Variants in C18orf54 observed in about 807,000 individuals in gnomAD.
C18orf54 encodes chromosome 18 open reading frame 54.
Under a neutral mutation model 49.3 loss-of-function variants are expected in C18orf54, and 49 were observed. The observed-to-expected ratio is 0.99, with a 90% CI of 0.79 to 1.26. The LOEUF (loss-of-function observed/expected upper bound fraction) is 1.26. Among genes scored for constraint, C18orf54 ranks in the 50% most tolerant of loss-of-function variants. C18orf54 has a pLI of 0.00. For missense variants in C18orf54, 687 were observed against 620.6 expected, an observed-to-expected ratio of 1.11 and a Z score of -1.14; for synonymous variants, 211 against 216.6, an observed-to-expected ratio of 0.97 and a Z score of 0.23.
In C18orf54 at chr18:54,380,214, C is replaced by A. The variant is rs1312020338; in HGVS notation, c.*1968C>A. 2 of 151,878 alleles carry A rather than the reference C, an allele frequency of 1.3e-5. No individual in the cohort carries two copies. Among genetic ancestry groups the A allele is most frequent in the African/African-American group, 4.8e-5 (2 of 41,408 alleles). The allele number at this position is 151,878 out of a possible 1,614,324, so 9.4% of individuals were successfully genotyped here. On this transcript the variant is annotated 3_prime_UTR_variant, in exon 9 of 9. Coordinates refer to ENST00000620105, the MANE Select transcript of C18orf54 (RefSeq NM_001288980.2). ...AGATTTATTTATAATTTTAATATCT[C>A]AGGGTTCTTTTTAGGTTTCCAGGGG...
chr18:54,375,901 TTACA>T (rs2089562196), intron 8 of C18orf54, among the ~76,000 whole-genome samples: 1 of 137,562 alleles, frequency 7.3e-6, no homozygotes, highest in African/African-American at 2.8e-5. Flanking sequence ...AAGCTTAGAC[TTACA>T]AAAGTTATTT....
intron 7 of C18orf54, among the ~76,000 whole-genome samples, chr18:54,372,914 T>C (rs544076863): frequency 2.0e-5 from 3 of 151,952 alleles, no homozygotes; most frequent in Admixed American, 1.3e-4. Flanking sequence ...AATTAATCTA[T>C]GTGGCCCATC....
rs955725076 is a variant in C18orf54, at chr18:54,361,681, A to G, written c.322A>G (p.Ile108Val). ...TGATCACAAAAAGCACTCAAACTTCATATCCTGTAGAAGACACACCGTTAA... is the reference window on the plus strand; with the variant it reads ...TGATCACAAAAAGCACTCAAACTTCGTATCCTGTAGAAGACACACCGTTAA... ...NLDHKKHSNF[I>V]SCRRHTVNDI... The change falls in exon 4 of 9, where the codon ATA (isoleucine) becomes GTA (valine). Residue 108 changes from isoleucine (I) to valine (V), a missense_variant. Physicochemically the swap from Ile to Val is conservative, Grantham distance 29. Coordinates refer to ENST00000620105, the MANE Select transcript of C18orf54 (RefSeq NM_001288980.2). 3 of 1,604,638 alleles carry G rather than the reference A, an allele frequency of 1.9e-6. No homozygotes were observed. The highest frequency in any genetic ancestry group is 1.7e-5 in the Admixed American group (1 of 57,836).
At chr18:54,377,558 G>T (rs2089597066) in intron 8 of C18orf54, among the ~76,000 whole-genome samples, 1 of 152,104 alleles carries the variant, frequency 6.6e-6, no homozygotes, top group Admixed American at 6.5e-5. Context: ...AGGAATGATT[G>T]AGTTTTCTCC....
Position 54,362,200 on chromosome 18 carries a change from C to T in C18orf54, c.841C>T (p.Gln281Ter). ...TGATGCAAATAGTCAAAGGGTTTAT[C>T]AGATATTTAAAGATGATCAGTGTTC... ...LPDANSQRVY[Q>*]IFKDDQCSPR... is the part of the protein sequence containing the mutation. The change falls in exon 4 of 9, where the codon CAG (glutamine) becomes TAG (stop). Residue 281 changes from glutamine (Q) to a stop codon, truncating the protein, a stop_gained. Coordinates refer to ENST00000620105, the MANE Select transcript of C18orf54 (RefSeq NM_001288980.2). LOFTEE classifies it high-confidence loss of function. 3 of 1,536,220 alleles carry T rather than the reference C, an allele frequency of 2.0e-6. No individual in the cohort carries two copies. Among genetic ancestry groups the T allele is most frequent in the Non-Finnish European group, 2.6e-6 (3 of 1,146,880 alleles).
At chr18:54,371,705 T>A (rs4939760) in intron 6 of C18orf54, among the ~76,000 whole-genome samples, 113,134 of 152,004 alleles carry the variant, frequency 0.74, 42,525 homozygotes, top group African/African-American at 0.86. Flanking sequence ...AACAACTTTC[T>A]ATAGAATTGA....
In C18orf54 at chr18:54,362,429, G is replaced by A. The variant is rs2089291264; in HGVS notation, c.1070G>A (p.Ser357Asn). 3 of 1,491,272 alleles carry A rather than the reference G, an allele frequency of 2.0e-6. No individual in the cohort carries two copies. In the Admixed American group the frequency reaches 7.2e-5, roughly 36 times the overall value. 92.4% of individuals were successfully genotyped at this position (1,491,272 alleles called of 1,614,324 possible). Residue 357 changes from serine (S) to asparagine (N), a missense_variant and splice_region_variant, in exon 4 of 9, where the codon AGT becomes AAT. Physicochemically the swap from Ser to Asn is conservative, Grantham distance 46. Coordinates refer to ENST00000620105, the MANE Select transcript of C18orf54 (RefSeq NM_001288980.2). ...LLPGQSTKPFSGDKIELLILK... is the reference protein window; with the variant it reads ...LLPGQSTKPFNGDKIELLILK... ...CCAGGACAATCCACAAAGCCATTCA[G>A]TGGTAATACTTTGTTTATTGCTTAT... is the stretch of plus-strand genomic sequence containing the variant.
intron 3 of C18orf54, among the ~76,000 whole-genome samples, chr18:54,361,415 A>C (rs2089266434): frequency 6.6e-6 from 1 of 152,198 alleles, no homozygotes; most frequent in South Asian, 2.1e-4. Context: ...GAACACAGGA[A>C]AATTCAGGAG....
rs2089643837 is a variant in C18orf54, at chr18:54,380,257, G to A, written c.*2011G>A. Reference sequence around the variant, plus strand: ...TCCAGGGGAAAAGAGCAGGATAACAGTGTGGAGACTGCTAAGTTGAGAATT... The same window carrying A: ...TCCAGGGGAAAAGAGCAGGATAACAATGTGGAGACTGCTAAGTTGAGAATT... On this transcript the variant is annotated 3_prime_UTR_variant, in exon 9 of 9. Coordinates refer to ENST00000620105, the MANE Select transcript of C18orf54 (RefSeq NM_001288980.2). 1 of 152,020 alleles carries A rather than the reference G, an allele frequency of 6.6e-6. No individual in the cohort carries two copies. Among genetic ancestry groups the A allele is most frequent in the Non-Finnish European group, 1.5e-5 (1 of 67,906 alleles). The allele number at this position is 152,020 out of a possible 1,614,324, so 9.4% of individuals were successfully genotyped here.
chr18:54,365,608 T>G, intron 5 of C18orf54, 111 bp from the exon 6 acceptor site: 2 of 562,924 alleles, frequency 3.6e-6, no homozygotes, highest in Admixed American at 5.0e-5. Context: ...CCATGATGAT[T>G]ATTTCTTGGT....
chr18:54,371,037 G>T (rs568756092), intron 6 of C18orf54, among the ~76,000 whole-genome samples: 22 of 151,636 alleles, frequency 1.5e-4, no homozygotes, highest in African/African-American at 4.4e-4. Flanking sequence ...TAAGTGTACA[G>T]TTCTGTGGCA....
intron 3 of C18orf54, 81 bp downstream of exon 3, chr18:54,360,936 A>G (rs1264593192): frequency 5.4e-5 from 73 of 1,363,332 alleles, no homozygotes; most frequent in Non-Finnish European, 6.5e-5. Context: ...GTAAAGTTTG[A>G]CATTATTTTT....
rs1307136183 is a variant in C18orf54, at chr18:54,379,537, T to C, written c.*1291T>C. ...TTTTTTGCCCGTGAGTTTTTTACCA[T>C]GCTGCTCTGACCAGTTTGAGTGGCA... On this transcript the variant is annotated 3_prime_UTR_variant, in exon 9 of 9. Transcript: ENST00000620105. 3 of 146,654 alleles carry C rather than the reference T, an allele frequency of 2.0e-5. No individual in the cohort carries two copies. Among genetic ancestry groups the C allele is most frequent in the Non-Finnish European group, 4.5e-5 (3 of 67,210 alleles). The allele number at this position is 146,654 out of a possible 1,614,324, so 9.1% of individuals were successfully genotyped here. A position where few individuals can be genotyped will look rare whatever the true frequency, so the allele number is the denominator to read the frequency against.
intron 6 of C18orf54, among the ~76,000 whole-genome samples, chr18:54,367,361 T>C (rs2089405251): frequency 6.6e-6 from 1 of 152,122 alleles, no homozygotes; most frequent in Non-Finnish European, 1.5e-5. Context: ...ATGGTGCTTA[T>C]CTTTTTGCTT....
chr18:54,380,104 CCTT>C lies in C18orf54; in HGVS notation c.*1862_*1864del, dbSNP rs1302523183. On this transcript the variant is annotated 3_prime_UTR_variant, in exon 9 of 9. Transcript: ENST00000620105. The stretch of plus-strand genomic sequence containing the variant: ...ATTTTAGCAAAATGATTCATTCCAA[CCTT>C]CTTATAAGAAATATCTAGGAGAGTC... 2.0e-5 allele frequency: 3 copies of C among 151,976 alleles called. No individual in the cohort carries two copies. Among genetic ancestry groups the C allele is most frequent in the Non-Finnish European group, 4.4e-5 (3 of 67,894 alleles). 9.4% of individuals were successfully genotyped at this position (151,976 alleles called of 1,614,324 possible). A position where few individuals can be genotyped will look rare whatever the true frequency, so the allele number is the denominator to read the frequency against.
chr18:54,378,194 G>A lies in C18orf54; in HGVS notation c.1550G>A (p.Arg517His), dbSNP rs146934571. 2.7e-5 allele frequency: 44 copies of A among 1,612,848 alleles called. No homozygotes were observed. Among genetic ancestry groups the A allele is most frequent in the African/African-American group, 8.0e-5 (6 of 74,804 alleles). Reference sequence around the variant, plus strand: ...TGAAGGGCTTTGCACCATTTATCTCGCCTGAGAGACCTGGTTGATGATACG... The same window carrying A: ...TGAAGGGCTTTGCACCATTTATCTCACCTGAGAGACCTGGTTGATGATACG... ...SLQKALHHLS[R>H]LRDLVDDTNG... is the part of the protein sequence containing the mutation. Residue 517 changes from arginine (R) to histidine (H), a missense_variant, in exon 9 of 9, where the codon CGC (arginine) becomes CAC (histidine). Coordinates refer to ENST00000620105, the MANE Select transcript of C18orf54 (RefSeq NM_001288980.2).
chr18:54,378,409 T>TCCCAAAACC lies in C18orf54; in HGVS notation c.*163_*164insCCCAAAACC. On this transcript the variant is annotated 3_prime_UTR_variant, in exon 9 of 9. Coordinates refer to ENST00000620105, the MANE Select transcript of C18orf54 (RefSeq NM_001288980.2). ...CACTAAACTTGAAAATACCCATAGGTTTTGGGACCTATCTTTATTTTGTGC... is the reference window on the plus strand; with the variant it reads ...CACTAAACTTGAAAATACCCATAGGTCCCAAAACCTTTGGGACCTATCTTTATTTTGTGC... 1 of 540,030 alleles carries TCCCAAAACC rather than the reference T, an allele frequency of 1.9e-6. No individual in the cohort carries two copies. The highest frequency in any genetic ancestry group is 3.1e-6 in the Non-Finnish European group (1 of 319,384). The allele number at this position is 540,030 out of a possible 1,614,324, so 33.5% of individuals were successfully genotyped here.
rs969474975 is a variant in C18orf54 at position 54,378,784 on chromosome 18, G to A, written c.*538G>A. ...ATAAATTTAATATTTAAGATACATT[G>A]TATTTGAAAATTGCATTAATAGTGG... On this transcript the variant is annotated 3_prime_UTR_variant, in exon 9 of 9. Transcript: ENST00000620105. 2.0e-5 allele frequency: 3 copies of A among 152,132 alleles called. No homozygotes were observed. Among genetic ancestry groups the A allele is most frequent in the African/African-American group, 7.2e-5 (3 of 41,448 alleles). The allele number at this position is 152,132 out of a possible 1,614,324, so 9.4% of individuals were successfully genotyped here.
At chr18:54,372,659 A>G (rs1023802278) in intron 7 of C18orf54, 62 bp downstream of exon 7, 1 of 1,427,322 alleles carries the variant, frequency 7.0e-7, no homozygotes, top group South Asian at 1.5e-5. Flanking sequence ...TTTTTTCTAC[A>G]TCTTTTAATA....
Sources: allele counts gnomAD v4.1 joint callset (sites outside exome capture counted in the v4.1 genomes callset), GRCh38; gene constraint gnomAD v4.1.1; transcripts MANE v1.5; gene names NCBI Gene and HGNC (gene_info 2026-07-23, HGNC 2026-07-21).